BICC1: variants seen among roughly 807,000 people sequenced by gnomAD.
BICC1 encodes protein bicaudal C homolog 1.
BICC1 carries 43 observed loss-of-function variants against 111.0 expected under a neutral mutation model. That is an observed-to-expected ratio of 0.39 (90% CI 0.30 to 0.50). The LOEUF is 0.50. BICC1 is among the 20% of genes least tolerant of loss of function. The pLI is 0.88. For synonymous variants in BICC1, 467 were observed against 434.4 expected (o/e 1.07, Z -0.93); for missense variants, 1,091 against 1,203.2 (o/e 0.91, Z 1.38).
At chr10:58,602,193 T>C (rs889160878) in intron 1 of BICC1, among the ~76,000 whole-genome samples, 4 of 152,148 alleles carry the variant, frequency 2.6e-5, no homozygotes, top group African/African-American at 7.2e-5. Context: ...ATAATACTTA[T>C]AGGACCACTA....
Position 58,753,206 on chromosome 10 carries a change from A to G in BICC1, c.308-31795A>G, listed in dbSNP as rs73304864. On this transcript the variant is annotated intron_variant, in intron 3 of 20. Transcript: ENST00000373886. ...GAGATAGGGCATCCCTTTGTCACCC[A>G]GGCTGGAGTGCAGTGGCATGATCAT... is the stretch of plus-strand genomic sequence containing the variant. Among the ~76,000 whole-genome samples the G allele has an allele frequency of 8.8e-3, 1,334 of 152,274 alleles. 26 individuals carry two copies. Among genetic ancestry groups the G allele is most frequent in the African/African-American group, 0.031 (1,279 of 41,542 alleles).
At chr10:58,553,944 G>A (rs2131924557) in intron 1 of BICC1, among the ~76,000 whole-genome samples, 1 of 152,190 alleles carries the variant, frequency 6.6e-6, no homozygotes. Flanking sequence ...TACAGTGTTT[G>A]AGGGGAATGG....
intron 3 of BICC1, among the ~76,000 whole-genome samples, chr10:58,768,883 A>C (rs1020211898): frequency 6.6e-6 from 1 of 152,136 alleles, no homozygotes; most frequent in Non-Finnish European, 1.5e-5. Context: ...AGGTATAAAG[A>C]AACAAAACAA....
At chr10:58,763,042 A>G (rs1842360580) in intron 3 of BICC1, among the ~76,000 whole-genome samples, 1 of 140,960 alleles carries the variant, frequency 7.1e-6, no homozygotes. Flanking sequence ...GTTTTTGTGA[A>G]TGGGGGAAAT....
At chr10:58,604,347 A>G (rs1845139245) in intron 1 of BICC1, among the ~76,000 whole-genome samples, 2 of 152,174 alleles carry the variant, frequency 1.3e-5, no homozygotes, top group Admixed American at 6.5e-5. Context: ...AATAAAATGT[A>G]AATATAAATA....
chr10:58,618,015 C>T (rs1489265600), intron 1 of BICC1, among the ~76,000 whole-genome samples: 1 of 152,242 alleles, frequency 6.6e-6, no homozygotes, highest in Non-Finnish European at 1.5e-5. Context: ...GGGTTTCACC[C>T]TTTGGGCATG....
intron 2 of BICC1, among the ~76,000 whole-genome samples, chr10:58,640,862 AT>A (rs1838101762): frequency 6.6e-6 from 1 of 152,212 alleles, no homozygotes; most frequent in Admixed American, 6.5e-5. Context: ...AAGCTCTTCA[AT>A]TTTTAAACAA....
At chr10:58,694,816 C>A (rs146983862) in intron 2 of BICC1, among the ~76,000 whole-genome samples, 1 of 152,228 alleles carries the variant, frequency 6.6e-6, no homozygotes, top group African/African-American at 2.4e-5. Context: ...TTGGAAATAG[C>A]CACTCTGCTG....
At chr10:58,648,543 T>G in intron 2 of BICC1, 1 of 985,342 alleles carries the variant, frequency 1.0e-6, no homozygotes, top group Non-Finnish European at 1.2e-6. Context: ...TCTGTTGCTT[T>G]CAAAGGCTAT....
chr10:58,788,518 A>G, intron 6 of BICC1, 95 bp downstream of exon 6: 1 of 801,058 alleles, frequency 1.2e-6, no homozygotes, highest in Non-Finnish European at 2.0e-6. Context: ...TTATAACCGA[A>G]TCATGTTCAA....
intron 2 of BICC1, among the ~76,000 whole-genome samples, chr10:58,629,774 A>C (rs1837737570): frequency 6.6e-6 from 1 of 152,138 alleles, no homozygotes; most frequent in Non-Finnish European, 1.5e-5. Context: ...CTGGTTTCTT[A>C]ACAATGATCT....
intron 1 of BICC1, among the ~76,000 whole-genome samples, chr10:58,533,507 C>T (rs1161545137): frequency 3.3e-5 from 5 of 151,564 alleles, no homozygotes; most frequent in Non-Finnish European, 7.4e-5. Context: ...ATTCAATTTT[C>T]CATGAAAGTT....
chr10:58,826,296 A>G (rs1200584681), intron 20 of BICC1, among the ~76,000 whole-genome samples: 1 of 152,226 alleles, frequency 6.6e-6, no homozygotes, highest in East Asian at 1.9e-4. Context: ...ATTTGAAGAT[A>G]ACAGGATAAG....
chr10:58,514,156 C>G (rs1222729835), intron 1 of BICC1, among the ~76,000 whole-genome samples: 1 of 152,138 alleles, frequency 6.6e-6, no homozygotes, highest in East Asian at 1.9e-4. Context: ...GAGTGAACGT[C>G]AAAACGTCCA....
chr10:58,669,783 A>G (rs1839125857), intron 2 of BICC1, among the ~76,000 whole-genome samples: 1 of 151,988 alleles, frequency 6.6e-6, no homozygotes, highest in Non-Finnish European at 1.5e-5. Flanking sequence ...TTACCCATAT[A>G]TTTTTTTCTG....
rs751553595 is a variant in BICC1, at chr10:58,799,095, C to T, written c.1568C>T (p.Ala523Val). 17 of 1,613,236 alleles carry T rather than the reference C, an allele frequency of 1.1e-5. No individual in the cohort carries two copies. In the Admixed American group the frequency reaches 2.8e-4, roughly 27 times the overall value. Residue 523 changes from alanine to valine, a missense_variant, in exon 12 of 21, where the codon GCC (alanine) becomes GTC (valine). Physicochemically the swap from Ala to Val is moderately conservative, Grantham distance 64 (BLOSUM62 0). Around this residue, in one of 3 missense-constraint regions of BICC1, gnomAD observed 843 missense variants for 900.8 expected, o/e 0.94. Transcript: ENST00000373886. ...AIPHLMIPSTAQATLTNILLS... is the reference protein window; with the variant it reads ...AIPHLMIPSTVQATLTNILLS... ...CCACACCTTATGATTCCATCTACTG[C>T]CCAAGCCACATTAACTAATATTTTG...
Position 58,586,545 on chromosome 10 carries a change from G to A in BICC1, c.191-34310G>A, listed in dbSNP as rs535146603. ...GAACCGGGGTTGGGGGCGGGGGGGC[G>A]CGGAGGTTGCAGTGAGCGGAGATTG... On this transcript the variant is annotated intron_variant, in intron 1 of 20. Transcript: ENST00000373886. 6.6e-5 allele frequency among the ~76,000 whole-genome samples: 10 copies of A among 150,582 alleles called. No individual in the cohort carries two copies. The South Asian group carries it at 1.9e-3, about 29-fold the overall frequency.
intron 7 of BICC1, 53 bp downstream of exon 7, chr10:58,789,509 TC>T (rs1319811645): frequency 1.8e-5 from 28 of 1,535,704 alleles, no homozygotes; most frequent in Non-Finnish European, 2.4e-5. Context: ...TACATGAGTT[TC>T]ATTTTTAAAG....
At chr10:58,785,298 ACAC>A (rs1564612138) in intron 4 of BICC1, among the ~76,000 whole-genome samples, 24 of 152,146 alleles carry the variant, frequency 1.6e-4, no homozygotes, top group Admixed American at 9.2e-4. Flanking sequence ...ACACACACAC[ACAC>A]CTATATGTAC....
Sources: allele counts gnomAD v4.1 joint callset (sites outside exome capture counted in the v4.1 genomes callset), GRCh38; gene constraint gnomAD v4.1.1; regional missense constraint gnomAD v4.1.1; transcripts MANE v1.5; gene names NCBI Gene and HGNC (gene_info 2026-07-23, HGNC 2026-07-21).